RAPGEF1: variants seen among roughly 807,000 people sequenced by gnomAD.
The protein encoded by RAPGEF1 is CRK SH3-binding GNRP.
Under a neutral mutation model 143.3 loss-of-function variants are expected in RAPGEF1, and 33 were observed. That is an observed-to-expected ratio of 0.23 (90% CI 0.17 to 0.31). The LOEUF (loss-of-function observed/expected upper bound fraction) is 0.31, where lower values mean the gene tolerates loss of function less well. Ranked by LOEUF, RAPGEF1 falls within the 10% of genes least tolerant of loss-of-function variation. The pLI, the probability that RAPGEF1 is intolerant of heterozygous loss-of-function variation, is 1.00. For synonymous variants in RAPGEF1, 629 were observed against 676.5 expected (o/e 0.93, Z 1.09); for missense variants, 1,199 against 1,645.4 (o/e 0.73, Z 4.69).
At position 131,739,817 on chromosome 9, in the gene RAPGEF1, A is replaced by G; in HGVS notation, c.14T>C (p.Leu5Pro). 1.8e-6 allele frequency: 2 copies of G among 1,139,954 alleles called. No homozygotes were observed. Among genetic ancestry groups the G allele is most frequent in the Admixed American group, 3.5e-5 (1 of 28,774 alleles). The allele number at this position is 1,139,954 out of a possible 1,614,324, so 70.6% of individuals were successfully genotyped here. ...CATTTCCGGGCTGCGCCGGAGGCCG[A>G]GGCCGCCGCTCATCGGGCCCGGGCC... MSGG[L>P]GLRRSPEMSG... is the part of the protein sequence containing the mutation. Residue 5 changes from leucine to proline, a missense_variant, in exon 1 of 27, where the codon CTC becomes CCC. Transcript: ENST00000683357.
intron 1 of RAPGEF1, among the ~76,000 whole-genome samples, chr9:131,680,770 T>C (rs1588987897): frequency 6.6e-6 from 1 of 152,248 alleles, no homozygotes; most frequent in East Asian, 1.9e-4. Flanking sequence ...CTCTCAGCTC[T>C]GAAGACTGTG....
At chr9:131,709,993 C>A (rs1230336937) in intron 1 of RAPGEF1, 49 of 961,598 alleles carry the variant, frequency 5.1e-5, no homozygotes, top group Non-Finnish European at 5.9e-5. Context: ...CACTTTATTA[C>A]TCATCAGCAC....
chr9:131,584,266 C>T lies in RAPGEF1; in HGVS notation c.3414+45G>A, dbSNP rs747640862. On this transcript the variant is annotated intron_variant, in intron 24 of 26. Coordinates refer to ENST00000683357, the MANE Select transcript of RAPGEF1 (RefSeq NM_001377935.1). This position sits in a 1 kb window ranked among gnomAD's most constrained non-coding sequence, Gnocchi z 6.8. Reference sequence around the variant, plus strand: ...GCTAGTCGCCTGAGGGCTGGGCGGCCCCCCTTACCAGCCACCCTCCCGCCC... The same window carrying T: ...GCTAGTCGCCTGAGGGCTGGGCGGCTCCCCTTACCAGCCACCCTCCCGCCC... 13 of 1,523,628 alleles carry T rather than the reference C, an allele frequency of 8.5e-6. No individual in the cohort carries two copies. The highest frequency in any genetic ancestry group is 1.9e-5 in the Admixed American group (1 of 52,974). The allele number at this position is 1,523,628 out of a possible 1,614,324, so 94.4% of individuals were successfully genotyped here. A position where few individuals can be genotyped will look rare whatever the true frequency, so the allele number is the denominator to read the frequency against.
intron 3 of RAPGEF1, among the ~76,000 whole-genome samples, chr9:131,645,304 T>TA (rs1427977495): frequency 5.3e-5 from 8 of 152,194 alleles, no homozygotes; most frequent in Non-Finnish European, 8.8e-5. Context: ...CAGAAAGTGT[T>TA]AGAGACCAGC....
In RAPGEF1 at chr9:131,588,823, C is replaced by T; in HGVS notation, c.3031G>A (p.Ala1011Thr). The T allele has an allele frequency of 6.2e-7, 1 of 1,613,412 alleles. No individual in the cohort carries two copies. The highest frequency in any genetic ancestry group is 8.5e-7 in the Non-Finnish European group (1 of 1,179,626). Residue 1011 changes from alanine (A) to threonine (T), a missense_variant, in exon 20 of 27, where the codon GCA (alanine) becomes ACA (threonine). Coordinates refer to ENST00000683357, the MANE Select transcript of RAPGEF1 (RefSeq NM_001377935.1). ...CACCTGGCTGCTACCCCCCGGGCTGCCAGGGGCTGGCTGGAGGTGGCACAC... is the reference window on the plus strand; with the variant it reads ...CACCTGGCTGCTACCCCCCGGGCTGTCAGGGGCTGGCTGGAGGTGGCACAC... ...LRCATSSQPLAARGVAARPGT... is the reference protein window; with the variant it reads ...LRCATSSQPLTARGVAARPGT...
At position 131,605,008 on chromosome 9, in the gene RAPGEF1, G is replaced by A. The variant is rs759703514; in HGVS notation, c.2242C>T (p.Pro748Ser). The A allele has an allele frequency of 7.4e-7, 1 of 1,357,468 alleles. No homozygotes were observed. Among genetic ancestry groups the A allele is most frequent in the African/African-American group, 1.5e-5 (1 of 67,618 alleles). The allele number at this position is 1,357,468 out of a possible 1,614,324, so 84.1% of individuals were successfully genotyped here. Residue 748 changes from proline (P) to serine (S), a missense_variant, in exon 13 of 27, where the codon CCT becomes TCT. Physicochemically the swap from Pro to Ser is moderately conservative, Grantham distance 74. Coordinates refer to ENST00000683357, the MANE Select transcript of RAPGEF1 (RefSeq NM_001377935.1). ...CTGCTCTCCTGAGAAGCCGAGAGAG[G>A]CCCGTCCACGGTGCTGGGAGGTGGA... ...AGPPPSTVDG[P>S]LSASQESSFH... is the part of the protein sequence containing the mutation.
At chr9:131,717,440 C>G (rs567289904) in intron 1 of RAPGEF1, among the ~76,000 whole-genome samples, 1 of 152,064 alleles carries the variant, frequency 6.6e-6, no homozygotes, top group African/African-American at 2.4e-5. Flanking sequence ...AAATAGCAGC[C>G]GACAGGGAGC....
At chr9:131,691,637 G>A (rs1474198544) in intron 1 of RAPGEF1, among the ~76,000 whole-genome samples, 1 of 152,134 alleles carries the variant, frequency 6.6e-6, no homozygotes, top group Non-Finnish European at 1.5e-5. Flanking sequence ...TCATGGAAAG[G>A]ATGGAAAGGA....
At chr9:131,674,857 G>A (rs530802034) in intron 1 of RAPGEF1, among the ~76,000 whole-genome samples, 6 of 152,254 alleles carry the variant, frequency 3.9e-5, no homozygotes, top group African/African-American at 9.6e-5. Flanking sequence ...CTGAAGCATC[G>A]CTACCGAGGT....
At chr9:131,581,430 T>C (rs1328513174) in intron 25 of RAPGEF1, among the ~76,000 whole-genome samples, 1 of 151,622 alleles carries the variant, frequency 6.6e-6, no homozygotes, top group Non-Finnish European at 1.5e-5. Flanking sequence ...GACTCCTGCC[T>C]GTAATCCCAG....
In RAPGEF1 at chr9:131,628,377, G is replaced by A. The variant is rs1215973854; in HGVS notation, c.1017+172C>T. On this transcript the variant is annotated intron_variant, in intron 8 of 26. Transcript: ENST00000683357. The surrounding 1 kb of genome is among the most constrained non-coding windows in gnomAD (Gnocchi z 5.7). ...CTGCCCTGACCCTTATCCCCATATGGGAACTTGGACCGTGTCCTGGAGAGA... is the reference window on the plus strand; with the variant it reads ...CTGCCCTGACCCTTATCCCCATATGAGAACTTGGACCGTGTCCTGGAGAGA... Among the ~76,000 whole-genome samples, 1 of 152,184 alleles carries A rather than the reference G, an allele frequency of 6.6e-6. No individual in the cohort carries two copies. Among genetic ancestry groups the A allele is most frequent in the Non-Finnish European group, 1.5e-5 (1 of 68,016 alleles).
chr9:131,722,054 G>A (rs1039639339), intron 1 of RAPGEF1, among the ~76,000 whole-genome samples: 3 of 152,116 alleles, frequency 2.0e-5, no homozygotes, highest in Non-Finnish European at 4.4e-5. Context: ...TGTTTCCTGA[G>A]AAACATTAAA....
chr9:131,612,119 G>A (rs1158659631), intron 12 of RAPGEF1, among the ~76,000 whole-genome samples: 1 of 152,224 alleles, frequency 6.6e-6, no homozygotes, highest in Non-Finnish European at 1.5e-5. Flanking sequence ...CTGGCCCTCA[G>A]GATGCGTGTC....
At chr9:131,695,740 T>C (rs1467138773) in intron 1 of RAPGEF1, among the ~76,000 whole-genome samples, 2 of 152,192 alleles carry the variant, frequency 1.3e-5, no homozygotes, top group Non-Finnish European at 2.9e-5. Context: ...CTGGTTGGAA[T>C]GATGGAAACT....
chr9:131,733,462 C>T (rs1357701529), intron 1 of RAPGEF1, among the ~76,000 whole-genome samples: 1 of 151,566 alleles, frequency 6.6e-6, no homozygotes, highest in Non-Finnish European at 1.5e-5. Flanking sequence ...CTTCCTGGCA[C>T]TGATGGGGAA....
At chr9:131,735,845 C>G (rs1197171657) in intron 1 of RAPGEF1, among the ~76,000 whole-genome samples, 3 of 152,122 alleles carry the variant, frequency 2.0e-5, no homozygotes, top group Non-Finnish European at 2.9e-5. Context: ...AATCAGGAAC[C>G]AGGCTTTTGA....
At chr9:131,725,761 T>C (rs900901215) in intron 1 of RAPGEF1, among the ~76,000 whole-genome samples, 4 of 78,112 alleles carry the variant, frequency 5.1e-5, no homozygotes, top group Non-Finnish European at 9.5e-5. Flanking sequence ...TTGGGTTGTG[T>C]TTTTTTTTTT....
chr9:131,702,095 T>C (rs1315092573), intron 1 of RAPGEF1, among the ~76,000 whole-genome samples: 2 of 152,274 alleles, frequency 1.3e-5, no homozygotes, highest in South Asian at 2.1e-4. Context: ...AACAATTGAA[T>C]TGATGCTCTT....
chr9:131,584,175 G>T lies in RAPGEF1; in HGVS notation c.3414+136C>A. 1 of 776,654 alleles carries T rather than the reference G, an allele frequency of 1.3e-6. No homozygotes were observed. The highest frequency in any genetic ancestry group is 2.1e-6 in the Non-Finnish European group (1 of 480,988). The allele number at this position is 776,654 out of a possible 1,614,324, so 48.1% of individuals were successfully genotyped here. ...GGAGGGCAGCTGTTCTGGTCACACA[G>T]CATGTCGGTGGCAGAGCAGGGGCCT... On this transcript the variant is annotated intron_variant, in intron 24 of 26. Transcript: ENST00000683357. This position sits in a 1 kb window ranked among gnomAD's most constrained non-coding sequence, Gnocchi z 6.8.
Sources: allele counts gnomAD v4.1 joint callset (sites outside exome capture counted in the v4.1 genomes callset), GRCh38; gene constraint gnomAD v4.1.1; non-coding constraint Gnocchi (gnomAD v3.1); transcripts MANE v1.5; gene names NCBI Gene and HGNC (gene_info 2026-07-23, HGNC 2026-07-21).